The following RYR2 variants were observed in gnomAD, a reference collection of about 807,000 sequenced individuals.
The protein encoded by RYR2 is ryanodine receptor 2.
Under a neutral mutation model 601.1 loss-of-function variants are expected in RYR2, and 227 were observed. That is an observed-to-expected ratio of 0.38 (90% CI 0.34 to 0.42). RYR2 has a LOEUF of 0.42. Among genes scored for constraint, RYR2 ranks in the 10% least tolerant of loss-of-function variants. The pLI is 1.00. For missense variants in RYR2, 4,646 were observed against 6,156.5 expected, an observed-to-expected ratio of 0.75 and a Z score of 8.21; for synonymous variants, 2,223 against 2,175.1, an observed-to-expected ratio of 1.02 and a Z score of -0.61.
At chr1:237,693,097 G>A (rs932545418) in intron 63 of RYR2, among the ~76,000 whole-genome samples, 13 of 152,258 alleles carry the variant, frequency 8.5e-5, no homozygotes, top group Middle Eastern at 3.4e-3. Context: ...TGCTAAGAAC[G>A]TGGAAATTTT....
At chr1:237,250,852 G>A (rs1687388868) in intron 1 of RYR2, among the ~76,000 whole-genome samples, 1 of 152,104 alleles carries the variant, frequency 6.6e-6, no homozygotes, top group Admixed American at 6.5e-5. Context: ...CGTCCCTCAA[G>A]TGTATCAAAA....
chr1:237,295,951 G>A (rs558161169), intron 2 of RYR2, among the ~76,000 whole-genome samples: 8 of 152,276 alleles, frequency 5.3e-5, no homozygotes, highest in East Asian at 1.9e-4. Context: ...AAACCATTTA[G>A]CTAATAATTA....
chr1:237,619,936 T>A (rs1446233862), intron 38 of RYR2, among the ~76,000 whole-genome samples: 2 of 152,090 alleles, frequency 1.3e-5, no homozygotes, highest in African/African-American at 2.4e-5. Flanking sequence ...ACAGCAGACC[T>A]ACCCTAAAAG....
chr1:237,776,089 G>C (rs988268350), intron 87 of RYR2, among the ~76,000 whole-genome samples: 2 of 152,066 alleles, frequency 1.3e-5, no homozygotes, highest in African/African-American at 4.8e-5. Flanking sequence ...AATTATTTCT[G>C]ACTTGAAGAA....
intron 1 of RYR2, among the ~76,000 whole-genome samples, chr1:237,146,340 C>T (rs1206914121): frequency 6.6e-6 from 1 of 152,204 alleles, no homozygotes; most frequent in Non-Finnish European, 1.5e-5. Flanking sequence ...CACGGCACTG[C>T]TGGGAAGGGG....
At chr1:237,091,210 C>T (rs1666911597) in intron 1 of RYR2, among the ~76,000 whole-genome samples, 1 of 152,124 alleles carries the variant, frequency 6.6e-6, no homozygotes, top group Admixed American at 6.5e-5. Context: ...TCTGTGAACA[C>T]CCAGAAACAC....
intron 2 of RYR2, among the ~76,000 whole-genome samples, chr1:237,301,177 C>T (rs1693313569): frequency 6.6e-6 from 1 of 152,058 alleles, no homozygotes; most frequent in Non-Finnish European, 1.5e-5. Flanking sequence ...AAACCACAAT[C>T]TCATAATGAA....
At chr1:237,298,979 G>C (rs1693081400) in intron 2 of RYR2, among the ~76,000 whole-genome samples, 1 of 152,158 alleles carries the variant, frequency 6.6e-6, no homozygotes, top group South Asian at 2.1e-4. Flanking sequence ...GGGCGACAAA[G>C]TGAGACTCCC....
intron 1 of RYR2, among the ~76,000 whole-genome samples, chr1:237,152,219 G>GCAGCCA (rs1558327098): frequency 1.3e-5 from 2 of 152,180 alleles, no homozygotes; most frequent in East Asian, 3.9e-4. Flanking sequence ...ATTCCATGGT[G>GCAGCCA]TATATGTGCC....
intron 27 of RYR2, among the ~76,000 whole-genome samples, chr1:237,558,372 T>C (rs1358307898): frequency 1.3e-5 from 2 of 152,186 alleles, no homozygotes; most frequent in African/African-American, 2.4e-5. Context: ...AGTAAAGATG[T>C]GTTGGGTATA....
intron 93 of RYR2, 106 bp downstream of exon 93, chr1:237,791,621 A>G: frequency 1.5e-6 from 1 of 659,280 alleles, no homozygotes; most frequent in Non-Finnish European, 2.7e-6. Context: ...ACATGTCTAA[A>G]CCTATTATGA....
At chr1:237,364,400 T>A in intron 5 of RYR2, 28 bp downstream of exon 5, 1 of 1,321,976 alleles carries the variant, frequency 7.6e-7, no homozygotes. Context: ...ATATGCTATG[T>A]ATATATATAG....
At chr1:237,289,595 A>G (rs1691988809) in intron 2 of RYR2, among the ~76,000 whole-genome samples, 1 of 152,150 alleles carries the variant, frequency 6.6e-6, no homozygotes, top group East Asian at 1.9e-4. Flanking sequence ...GAACAGCAGC[A>G]TGGGGGTAAC....
At chr1:237,288,879 C>T (rs1212128466) in intron 2 of RYR2, among the ~76,000 whole-genome samples, 1 of 152,146 alleles carries the variant, frequency 6.6e-6, no homozygotes. Context: ...AGATTTCCTT[C>T]TGCCTGTGGA....
intron 17 of RYR2, among the ~76,000 whole-genome samples, chr1:237,490,390 T>C (rs771799689): frequency 2.6e-5 from 4 of 152,160 alleles, no homozygotes; most frequent in Non-Finnish European, 5.9e-5. Context: ...CAATCAATAA[T>C]GGGGAGAAAA....
At chr1:237,664,764 G>T (rs554445359) in intron 56 of RYR2, among the ~76,000 whole-genome samples, 25 of 152,334 alleles carry the variant, frequency 1.6e-4, no homozygotes, top group African/African-American at 5.3e-4. Context: ...ATGGATTCTA[G>T]CTTGTGTCCC....
intron 1 of RYR2, among the ~76,000 whole-genome samples, chr1:237,127,551 C>A (rs544025318): frequency 1.3e-5 from 2 of 150,786 alleles, no homozygotes; most frequent in Non-Finnish European, 1.5e-5. Context: ...GGCGGCTGGC[C>A]TGGCGGGGGG....
chr1:237,082,213 A>G (rs1400943857), intron 1 of RYR2, among the ~76,000 whole-genome samples: 1 of 152,070 alleles, frequency 6.6e-6, no homozygotes, highest in Non-Finnish European at 1.5e-5. Flanking sequence ...TCACAGGATC[A>G]TGTGAGGTAT....
At chr1:237,509,109 A>T (rs1251341093) in intron 23 of RYR2, among the ~76,000 whole-genome samples, 1 of 152,192 alleles carries the variant, frequency 6.6e-6, no homozygotes, top group African/African-American at 2.4e-5. Context: ...GACTCAAGTT[A>T]TCCTTTGCTG....
Sources: allele counts gnomAD v4.1 joint callset (sites outside exome capture counted in the v4.1 genomes callset), GRCh38; gene constraint gnomAD v4.1.1; transcripts MANE v1.5; gene names NCBI Gene and HGNC (gene_info 2026-07-23, HGNC 2026-07-21).